The following C12orf54 variants were observed in gnomAD, a reference collection of about 807,000 sequenced individuals.
C12orf54 encodes chromosome 12 open reading frame 54.
In C12orf54, 24 loss-of-function variants were observed where a neutral mutation model predicts 26.4. That is an observed-to-expected ratio of 0.91 (90% confidence interval 0.66 to 1.28). The LOEUF is 1.28. C12orf54 is among the 50% of genes most tolerant of loss of function. The pLI, the probability that C12orf54 is intolerant of heterozygous loss-of-function variation, is 0.00. For synonymous variants in C12orf54, 54 were observed against 47.0 expected, an observed-to-expected ratio of 1.15 and a Z score of -0.61; for missense variants, 154 against 150.9, an observed-to-expected ratio of 1.02 and a Z score of -0.11.
At chr12:48,455,519 C>T in the C12orf54 span, among the ~76,000 whole-genome samples, 71 of 152,272 alleles carry the variant, frequency 4.7e-4, 1 homozygote, top group East Asian at 5.8e-4. Flanking sequence ...CTCAGAGAAA[C>T]GTCAGCAGAA....
At chr12:48,426,282 C>T in the C12orf54 span, among the ~76,000 whole-genome samples, 3 of 151,930 alleles carry the variant, frequency 2.0e-5, no homozygotes, top group Admixed American at 2.0e-4. Context: ...GAAAGGGGTC[C>T]AGTTTCAATC....
chr12:48,463,426 T>A, the C12orf54 span, among the ~76,000 whole-genome samples: 4 of 151,902 alleles, frequency 2.6e-5, no homozygotes, highest in African/African-American at 9.7e-5. Context: ...ATCGAGTCAG[T>A]AATAAATAGC....
the C12orf54 span, among the ~76,000 whole-genome samples, chr12:48,427,125 G>A: frequency 6.6e-6 from 1 of 152,156 alleles, no homozygotes; most frequent in Non-Finnish European, 1.5e-5. Flanking sequence ...TTGAATAGGA[G>A]TGGTGAGAGA....
chr12:48,458,112 T>A, the C12orf54 span, among the ~76,000 whole-genome samples: 1 of 152,208 alleles, frequency 6.6e-6, no homozygotes, highest in Non-Finnish European at 1.5e-5. Flanking sequence ...GTTTTCGGCT[T>A]CCTCTCAGCA....
At chr12:48,438,018 C>G in the C12orf54 span, among the ~76,000 whole-genome samples, 5 of 152,146 alleles carry the variant, frequency 3.3e-5, no homozygotes, top group African/African-American at 1.2e-4. Flanking sequence ...TGTAACAGCC[C>G]AAAATCTCCT....
At chr12:48,456,223 G>A in the C12orf54 span, among the ~76,000 whole-genome samples, 1 of 152,184 alleles carries the variant, frequency 6.6e-6, no homozygotes. Flanking sequence ...ACGAGTAGGA[G>A]AGAGTCTCTG....
the C12orf54 span, among the ~76,000 whole-genome samples, chr12:48,419,154 T>A: frequency 6.6e-6 from 1 of 152,198 alleles, no homozygotes; most frequent in African/African-American, 2.4e-5. Flanking sequence ...AGAATCCTAA[T>A]TTCAGCTTCC....
At chr12:48,449,392 T>C in the C12orf54 span, among the ~76,000 whole-genome samples, 6 of 152,214 alleles carry the variant, frequency 3.9e-5, no homozygotes, top group African/African-American at 1.4e-4. Flanking sequence ...GTTTTCTTTT[T>C]TGTCACATAA....
the C12orf54 span, among the ~76,000 whole-genome samples, chr12:48,416,656 G>A: frequency 6.6e-6 from 1 of 152,120 alleles, no homozygotes; most frequent in Non-Finnish European, 1.5e-5. Context: ...GAGGTCAAGA[G>A]TTTGAGACCA....
At chr12:48,426,537 T>C in the C12orf54 span, among the ~76,000 whole-genome samples, 1 of 152,178 alleles carries the variant, frequency 6.6e-6, no homozygotes, top group Admixed American at 6.5e-5. Context: ...AGCTTTGTTC[T>C]TTTTGCTTAG....
the C12orf54 span, among the ~76,000 whole-genome samples, chr12:48,474,518 C>T: frequency 1.3e-5 from 2 of 152,154 alleles, no homozygotes; most frequent in Non-Finnish European, 2.9e-5. Context: ...CAGATGGCAC[C>T]TGGAAAATCG....
the C12orf54 span, among the ~76,000 whole-genome samples, chr12:48,421,512 C>CTT: frequency 0.093 from 4,042 of 43,470 alleles, 1,358 homozygotes; most frequent in Non-Finnish European, 0.12. Context: ...ATATCATGTG[C>CTT]TTTTTTTTTT....
At chr12:48,434,314 T>G in the C12orf54 span, among the ~76,000 whole-genome samples, 1 of 152,200 alleles carries the variant, frequency 6.6e-6, no homozygotes, top group African/African-American at 2.4e-5. Flanking sequence ...ACTGCCTGCC[T>G]CTGTAGGCTC....
the C12orf54 span, among the ~76,000 whole-genome samples, chr12:48,418,434 T>G: frequency 6.6e-6 from 1 of 152,138 alleles, no homozygotes; most frequent in East Asian, 1.9e-4. Context: ...TTTCTCCAGT[T>G]TGCTATGTGT....
At chr12:48,463,492 G>C in the C12orf54 span, among the ~76,000 whole-genome samples, 11 of 151,746 alleles carry the variant, frequency 7.2e-5, no homozygotes, top group African/African-American at 2.7e-4. Flanking sequence ...TTCTACCAGA[G>C]ATACAAAGAA....
At chr12:48,449,113 G>A in the C12orf54 span, among the ~76,000 whole-genome samples, 73 of 152,278 alleles carry the variant, frequency 4.8e-4, no homozygotes, top group African/African-American at 1.4e-3. Context: ...AGAAGATTAT[G>A]GAAATCAAGG....
chr12:48,493,884 C>T (rs61940780), intron 7 of C12orf54, among the ~76,000 whole-genome samples: 18,987 of 150,552 alleles, frequency 0.13, 1,601 homozygotes, highest in Non-Finnish European at 0.2. Flanking sequence ...AAGACAGCAG[C>T]GCCATGTACT....
the C12orf54 span, among the ~76,000 whole-genome samples, chr12:48,413,464 G>A: frequency 6.6e-6 from 1 of 152,220 alleles, no homozygotes; most frequent in Admixed American, 6.5e-5. Flanking sequence ...CCACTGAGGA[G>A]GTTGGAGGCT....
At chr12:48,483,443 T>C in intron 2 of C12orf54, 82 bp downstream of exon 2, 8 of 1,338,830 alleles carry the variant, frequency 6.0e-6, no homozygotes, top group East Asian at 2.4e-5. Context: ...CTGTCTTCTA[T>C]GGCTCTTCAT....
Sources: gnomAD v4.1 joint callset for allele counts (sites outside exome capture counted in the v4.1 genomes callset) on GRCh38, gnomAD v4.1.1 for gene constraint, MANE v1.5 for transcripts, NCBI Gene and HGNC (gene_info 2026-07-23, HGNC 2026-07-21) for gene names.